Variants in DPYD observed in about 807,000 individuals in gnomAD.
The protein encoded by DPYD is dihydropyrimidine dehydrogenase [NADP(+)].
Under a neutral mutation model 116.2 loss-of-function variants are expected in DPYD, and 109 were observed. The observed-to-expected ratio is 0.94, with a 90% CI of 0.80 to 1.10. DPYD has a LOEUF of 1.10. Ranked by LOEUF, DPYD falls within the 50% of genes least tolerant of loss-of-function variation. The probability of loss-of-function intolerance (pLI) is 0.00; values close to 1 mark genes in which losing one functional copy is unlikely to be tolerated. For synonymous variants in DPYD, 440 were observed against 432.0 expected, an observed-to-expected ratio of 1.02 and a Z score of -0.23; for missense variants, 1,302 against 1,254.5, an observed-to-expected ratio of 1.04 and a Z score of -0.57.
chr1:97,263,833 A>G (rs1168377784), intron 18 of DPYD, among the ~76,000 whole-genome samples: 3 of 152,088 alleles, frequency 2.0e-5, no homozygotes, highest in Non-Finnish European at 2.9e-5. Flanking sequence ...TCTGACCAAA[A>G]TATTTCCAAA....
chr1:97,214,912 T>G (rs1660274503), intron 19 of DPYD, among the ~76,000 whole-genome samples: 1 of 152,188 alleles, frequency 6.6e-6, no homozygotes, highest in Non-Finnish European at 1.5e-5. Flanking sequence ...AACAAAACAT[T>G]AACACTTGAC....
At chr1:97,147,710 T>C (rs1654729079) in intron 20 of DPYD, among the ~76,000 whole-genome samples, 1 of 152,188 alleles carries the variant, frequency 6.6e-6, no homozygotes, top group Non-Finnish European at 1.5e-5. Flanking sequence ...TCAAGTTGTA[T>C]AAAATCTTCT....
chr1:97,156,411 A>C (rs986757103), intron 20 of DPYD, among the ~76,000 whole-genome samples: 5 of 152,144 alleles, frequency 3.3e-5, no homozygotes, highest in South Asian at 2.1e-4. Flanking sequence ...AACTCAAACA[A>C]ATTTACAAGA....
chr1:97,625,266 TC>T lies in DPYD; in HGVS notation c.851-30101del, dbSNP rs771301686. On this transcript the variant is annotated intron_variant, in intron 8 of 22. Transcript: ENST00000370192. ...TCAATTTATAATAAACTTTTATAAA[TC>T]AAGAAAAGAACTATTGAGAAATAAT... 5.9e-5 allele frequency among the ~76,000 whole-genome samples: 9 copies of T among 151,960 alleles called. No homozygotes were observed. In the East Asian group the frequency reaches 9.6e-4, roughly 16 times the overall value.
intron 20 of DPYD, among the ~76,000 whole-genome samples, chr1:97,128,543 T>G (rs1653026629): frequency 6.6e-6 from 1 of 152,184 alleles, no homozygotes; most frequent in African/African-American, 2.4e-5. Flanking sequence ...CTATAAAACT[T>G]TACAGCCCTT....
intron 13 of DPYD, among the ~76,000 whole-genome samples, chr1:97,466,054 T>C (rs1570778791): frequency 1.3e-5 from 2 of 152,262 alleles, no homozygotes; most frequent in South Asian, 4.1e-4. Context: ...TAAGCTATGA[T>C]TGCACCACTG....
intron 18 of DPYD, among the ~76,000 whole-genome samples, chr1:97,285,759 C>G (rs1385338886): frequency 6.6e-6 from 1 of 150,838 alleles, no homozygotes; most frequent in Non-Finnish European, 1.5e-5. Context: ...TCTCAGCTCA[C>G]CACAACCTTT....
At chr1:97,616,503 T>C (rs985705434) in intron 8 of DPYD, among the ~76,000 whole-genome samples, 3 of 152,182 alleles carry the variant, frequency 2.0e-5, no homozygotes, top group African/African-American at 7.2e-5. Context: ...ACGGAGATGC[T>C]GGATACTTAC....
chr1:97,841,656 T>C (rs1014093679), intron 2 of DPYD, among the ~76,000 whole-genome samples: 3 of 151,870 alleles, frequency 2.0e-5, no homozygotes, highest in Non-Finnish European at 4.4e-5. Context: ...TTCCTGAACC[T>C]GACAGGATCA....
chr1:97,713,260 G>A (rs955217821), intron 5 of DPYD, among the ~76,000 whole-genome samples: 6 of 151,960 alleles, frequency 3.9e-5, no homozygotes, highest in Admixed American at 2.0e-4. Flanking sequence ...TTAAACCAAC[G>A]AATCCTTTAA....
intron 2 of DPYD, among the ~76,000 whole-genome samples, chr1:97,857,801 T>G (rs1670922038): frequency 6.6e-6 from 1 of 152,058 alleles, no homozygotes; most frequent in Admixed American, 6.6e-5. Context: ...GGTCTGAAGT[T>G]CTGGAGACCC....
chr1:97,674,011 T>A (rs1660011875), intron 8 of DPYD, among the ~76,000 whole-genome samples: 5 of 152,142 alleles, frequency 3.3e-5, no homozygotes, highest in Admixed American at 3.3e-4. Flanking sequence ...CTTGAAAACC[T>A]TCGTGGGGAC....
At chr1:97,419,374 T>C (rs1374000517) in intron 14 of DPYD, among the ~76,000 whole-genome samples, 1 of 152,206 alleles carries the variant, frequency 6.6e-6, no homozygotes, top group African/African-American at 2.4e-5. Flanking sequence ...ATTAGTCTGC[T>C]GTAGTTCCGG....
chr1:97,219,395 A>G (rs570705656), intron 19 of DPYD, among the ~76,000 whole-genome samples: 3 of 152,182 alleles, frequency 2.0e-5, no homozygotes, highest in Non-Finnish European at 4.4e-5. Context: ...TTCTGGAAAG[A>G]GATGTGTGTT....
intron 8 of DPYD, among the ~76,000 whole-genome samples, chr1:97,661,104 C>T (rs1048550515): frequency 2.0e-5 from 3 of 152,068 alleles, no homozygotes; most frequent in African/African-American, 7.2e-5. Context: ...TGGTTCTGTC[C>T]TATTACATAT....
chr1:97,912,009 C>T (rs1673964250), intron 1 of DPYD, among the ~76,000 whole-genome samples: 1 of 152,080 alleles, frequency 6.6e-6, no homozygotes, highest in African/African-American at 2.4e-5. Flanking sequence ...GTCACATCCA[C>T]ATCAAAGGGA....
At chr1:97,704,397 G>T (rs1344037241) in intron 5 of DPYD, among the ~76,000 whole-genome samples, 1 of 151,790 alleles carries the variant, frequency 6.6e-6, no homozygotes, top group Non-Finnish European at 1.5e-5. Flanking sequence ...ACTTTAAACT[G>T]CCAATGAATA....
intron 19 of DPYD, among the ~76,000 whole-genome samples, chr1:97,203,673 CCAAAAA>C (rs1659383747): frequency 2.0e-5 from 1 of 50,252 alleles, no homozygotes; most frequent in Non-Finnish European, 3.6e-5. Flanking sequence ...CCCCCCCCCC[CCAAAAA>C]AAAAAAAAGA....
At chr1:97,351,537 G>T (rs1670143631) in intron 16 of DPYD, among the ~76,000 whole-genome samples, 1 of 152,102 alleles carries the variant, frequency 6.6e-6, no homozygotes, top group Non-Finnish European at 1.5e-5. Flanking sequence ...AGGTCAAGGG[G>T]AAAGGTTAAA....
Sources: gnomAD v4.1 joint callset for allele counts (sites outside exome capture counted in the v4.1 genomes callset) on GRCh38, gnomAD v4.1.1 for gene constraint, MANE v1.5 for transcripts, NCBI Gene and HGNC (gene_info 2026-07-23, HGNC 2026-07-21) for gene names.